RNF150: variants seen among roughly 807,000 people sequenced by gnomAD.
RNF150 encodes ring finger protein 150.
RNF150 carries 24 observed loss-of-function variants against 39.3 expected under a neutral mutation model. The ratio of observed to expected loss-of-function variants is 0.61; its 90% confidence interval spans 0.44 to 0.86. The LOEUF is 0.86. Among genes scored for constraint, RNF150 ranks in the 40% least tolerant of loss-of-function variants. RNF150 has a pLI of 0.00. For missense variants in RNF150, 502 were observed against 587.8 expected (o/e 0.85, Z 1.51); for synonymous variants, 255 against 227.3 (o/e 1.12, Z -1.10).
intron 6 of RNF150, among the ~76,000 whole-genome samples, chr4:140,872,644 T>A (rs902677662): frequency 6.6e-6 from 1 of 152,116 alleles, no homozygotes; most frequent in Non-Finnish European, 1.5e-5. Flanking sequence ...GGATGAAGGA[T>A]CTACAGGAAA....
chr4:140,980,327 G>C (rs546636040), intron 1 of RNF150, among the ~76,000 whole-genome samples: 6 of 152,192 alleles, frequency 3.9e-5, no homozygotes, highest in Admixed American at 2.6e-4. Flanking sequence ...ATAGGCATAA[G>C]CCACCATGCC....
At chr4:140,949,240 A>T in intron 3 of RNF150, 61 bp downstream of exon 3, 1 of 1,339,392 alleles carries the variant, frequency 7.5e-7, no homozygotes, top group Non-Finnish European at 1.0e-6. Context: ...CCCTGGCTAT[A>T]AGAAAAGTTA....
chr4:141,065,951 A>G (rs1262150073), intron 1 of RNF150, among the ~76,000 whole-genome samples: 1 of 152,044 alleles, frequency 6.6e-6, no homozygotes, highest in Non-Finnish European at 1.5e-5. Context: ...AAATCAGAAA[A>G]GGCTTCTTTC....
At chr4:140,887,056 T>C (rs1470246239) in intron 6 of RNF150, among the ~76,000 whole-genome samples, 1 of 152,182 alleles carries the variant, frequency 6.6e-6, no homozygotes, top group Middle Eastern at 3.2e-3. Flanking sequence ...CTGAAATCCC[T>C]AGAGTGATTT....
At chr4:140,951,062 T>A (rs925424764) in intron 2 of RNF150, among the ~76,000 whole-genome samples, 6 of 152,314 alleles carry the variant, frequency 3.9e-5, no homozygotes, top group Middle Eastern at 3.4e-3. Context: ...CCTCTTCTTC[T>A]GGTTATTATC....
intron 1 of RNF150, among the ~76,000 whole-genome samples, chr4:141,079,892 T>C (rs553279378): frequency 6.6e-6 from 1 of 152,336 alleles, no homozygotes; most frequent in Admixed American, 6.5e-5. Flanking sequence ...TTCAGTTCTC[T>C]TATAAGTAAA....
chr4:141,060,962 G>A (rs932298479), intron 1 of RNF150, among the ~76,000 whole-genome samples: 1 of 152,088 alleles, frequency 6.6e-6, no homozygotes, highest in Non-Finnish European at 1.5e-5. Context: ...CACAGGGAGG[G>A]GAACATCACA....
intron 2 of RNF150, among the ~76,000 whole-genome samples, chr4:140,950,826 C>T (rs1191980205): frequency 2.0e-5 from 3 of 152,166 alleles, no homozygotes; most frequent in Non-Finnish European, 4.4e-5. Context: ...GTTTGTCCTG[C>T]GTATCTAAAA....
chr4:141,072,581 C>T (rs1305089211), intron 1 of RNF150, among the ~76,000 whole-genome samples: 1 of 152,176 alleles, frequency 6.6e-6, no homozygotes, highest in Non-Finnish European at 1.5e-5. Flanking sequence ...AGAGTGTAAA[C>T]ATCCTCACAG....
chr4:140,925,600 G>A (rs559809590), intron 5 of RNF150, among the ~76,000 whole-genome samples: 13 of 152,174 alleles, frequency 8.5e-5, no homozygotes, highest in South Asian at 4.2e-4. Context: ...TGTGGCTTAC[G>A]GATCTTCCTG....
chr4:141,100,493 C>A (rs1195604443), intron 1 of RNF150, among the ~76,000 whole-genome samples: 1 of 152,206 alleles, frequency 6.6e-6, no homozygotes, highest in South Asian at 2.1e-4. Flanking sequence ...CTATCAAGGA[C>A]GTTCACACTT....
chr4:141,030,024 G>T (rs572204531), intron 1 of RNF150, among the ~76,000 whole-genome samples: 4 of 151,852 alleles, frequency 2.6e-5, no homozygotes, highest in Admixed American at 2.6e-4. Context: ...GCAAAACCCC[G>T]TGCCTACTAA....
intron 1 of RNF150, among the ~76,000 whole-genome samples, chr4:141,021,938 T>A (rs1295975184): frequency 6.6e-6 from 1 of 152,202 alleles, no homozygotes; most frequent in Non-Finnish European, 1.5e-5. Flanking sequence ...GTTTAGCTAA[T>A]CCACACAGCT....
chr4:141,083,221 C>T (rs912622853), intron 1 of RNF150, among the ~76,000 whole-genome samples: 1 of 152,166 alleles, frequency 6.6e-6, no homozygotes, highest in Non-Finnish European at 1.5e-5. Context: ...CCCAGAAACT[C>T]AAAAAGCACA....
intron 2 of RNF150, among the ~76,000 whole-genome samples, chr4:140,951,394 G>T (rs1560983269): frequency 6.6e-6 from 1 of 151,780 alleles, no homozygotes; most frequent in East Asian, 1.9e-4. Flanking sequence ...TATAGCTTTG[G>T]GTTTAAAAAA....
chr4:140,941,976 G>T (rs562570454), intron 4 of RNF150, among the ~76,000 whole-genome samples: 1 of 151,918 alleles, frequency 6.6e-6, no homozygotes. Context: ...AATAAAACGC[G>T]CACAAAATTC....
chr4:140,976,218 G>C (rs1329316580), intron 1 of RNF150, among the ~76,000 whole-genome samples: 3 of 151,986 alleles, frequency 2.0e-5, no homozygotes, highest in African/African-American at 7.3e-5. Flanking sequence ...GCTCTATCTT[G>C]TATCTCCAGA....
At chr4:141,070,004 A>G (rs1456700882) in intron 1 of RNF150, among the ~76,000 whole-genome samples, 3 of 152,140 alleles carry the variant, frequency 2.0e-5, no homozygotes, top group African/African-American at 7.2e-5. Flanking sequence ...CCTTTCAAAA[A>G]AACCAGCTCC....
intron 6 of RNF150, among the ~76,000 whole-genome samples, chr4:140,905,612 C>G (rs764687638): frequency 2.6e-5 from 4 of 152,178 alleles, no homozygotes; most frequent in Non-Finnish European, 5.9e-5. Context: ...CATGCTGAAT[C>G]CTGCTCCTCT....
Sources: allele counts gnomAD v4.1 joint callset (sites outside exome capture counted in the v4.1 genomes callset), GRCh38; gene constraint gnomAD v4.1.1; transcripts MANE v1.5; gene names NCBI Gene and HGNC (gene_info 2026-07-23, HGNC 2026-07-21).